The following PBX1 variants were observed in gnomAD, a reference collection of about 807,000 sequenced individuals.
The protein encoded by PBX1 is PBX homeobox 1.
PBX1 carries 6 observed loss-of-function variants against 53.4 expected under a neutral mutation model. The observed-to-expected ratio is 0.11, with a 90% CI of 0.06 to 0.22. The LOEUF is 0.22. PBX1 is among the 10% of genes least tolerant of loss of function. PBX1 has a pLI of 1.00. For synonymous variants in PBX1, 204 were observed against 212.3 expected (o/e 0.96, Z 0.34); for missense variants, 251 against 551.4 (o/e 0.46, Z 5.46).
chr1:164,723,464 C>T (rs959407019), intron 2 of PBX1, among the ~76,000 whole-genome samples: 1 of 152,084 alleles, frequency 6.6e-6, no homozygotes, highest in South Asian at 2.1e-4. Context: ...TAATGTTGGA[C>T]GAGCAGGGGT....
rs1558022514 is a variant in PBX1 at position 164,812,126 on chromosome 1, C to T, written c.974C>T (p.Ser325Leu). ...TCAGCCCATGGAAGCCAAGCTAACT[C>T]GCCCTCAACTCCCAACTCGGCTGGT... ...NVSAHGSQAN[S>L]PSTPNSAGSS... The change falls in exon 6 of 9, where the codon TCG (serine) becomes TTG (leucine). Residue 325 changes from serine to leucine, a missense_variant. Physicochemically the swap from Ser to Leu is moderately radical, Grantham distance 145. Transcript: ENST00000420696. 1 of 1,612,468 alleles carries T rather than the reference C, an allele frequency of 6.2e-7. No homozygotes were observed. The highest frequency in any genetic ancestry group is 8.5e-7 in the Non-Finnish European group (1 of 1,179,150).
intron 2 of PBX1, among the ~76,000 whole-genome samples, chr1:164,767,570 A>G (rs1667128100): frequency 6.6e-6 from 1 of 152,092 alleles, no homozygotes; most frequent in African/African-American, 2.4e-5. Context: ...AAGGAAAAAT[A>G]TCTCTTGATA....
chr1:164,610,962 C>A (rs1656882873), intron 2 of PBX1, among the ~76,000 whole-genome samples: 1 of 152,152 alleles, frequency 6.6e-6, no homozygotes, highest in Non-Finnish European at 1.5e-5. Context: ...ACCATAAATC[C>A]TTTTTCCTTT....
chr1:164,660,553 T>C (rs1660427976), intron 2 of PBX1, among the ~76,000 whole-genome samples: 1 of 151,530 alleles, frequency 6.6e-6, no homozygotes. Flanking sequence ...ATCAGCTAGA[T>C]TAAAACCACA....
At chr1:164,565,937 G>A (rs1409184726) in intron 2 of PBX1, among the ~76,000 whole-genome samples, 2 of 152,036 alleles carry the variant, frequency 1.3e-5, no homozygotes, top group African/African-American at 4.8e-5. Flanking sequence ...TAATAATAGA[G>A]GTTACTTGAT....
intron 5 of PBX1, among the ~76,000 whole-genome samples, chr1:164,811,778 A>C (rs10494422): frequency 0.075 from 11,473 of 152,214 alleles, 520 homozygotes; most frequent in Non-Finnish European, 0.086. Flanking sequence ...GGTTTCGCTA[A>C]ATTTCAGTTA....
chr1:164,840,103 T>C (rs1671222437), intron 8 of PBX1, among the ~76,000 whole-genome samples: 1 of 152,106 alleles, frequency 6.6e-6, no homozygotes, highest in African/African-American at 2.4e-5. Flanking sequence ...CTGTAATAAA[T>C]AGCAGAAAAT....
At chr1:164,788,455 TA>T (rs1255941011) in intron 2 of PBX1, among the ~76,000 whole-genome samples, 1 of 151,704 alleles carries the variant, frequency 6.6e-6, no homozygotes, top group Admixed American at 6.6e-5. Flanking sequence ...CCATTCTTAA[TA>T]GTGGTATATT....
chr1:164,602,326 T>C (rs1656233721), intron 2 of PBX1, among the ~76,000 whole-genome samples: 1 of 152,208 alleles, frequency 6.6e-6, no homozygotes, highest in African/African-American at 2.4e-5. Flanking sequence ...CCCCGCTCGG[T>C]TTCAGTTTCT....
chr1:164,718,957 A>T (rs1213225976), intron 2 of PBX1, among the ~76,000 whole-genome samples: 1 of 152,106 alleles, frequency 6.6e-6, no homozygotes, highest in Non-Finnish European at 1.5e-5. Context: ...GTTGAATCAC[A>T]CTCAGCTTTA....
At chr1:164,657,023 GATAAC>G in intron 2 of PBX1, 1 of 152,228 alleles carries the variant, frequency 6.6e-6, no homozygotes, top group East Asian at 1.9e-4. Context: ...ATAATATTAA[GATAAC>G]ATACTCTATT....
chr1:164,820,841 A>T (rs1292537185), intron 7 of PBX1, among the ~76,000 whole-genome samples: 2 of 152,164 alleles, frequency 1.3e-5, no homozygotes, highest in Non-Finnish European at 2.9e-5. Flanking sequence ...ATGTTGTGAG[A>T]GGGTAAAGTA....
In PBX1 at chr1:164,677,875, G is replaced by C. The variant is rs182047866; in HGVS notation, c.265+114564G>C. On this transcript the variant is annotated intron_variant, in intron 2 of 8. Transcript: ENST00000420696. ...GTAGTGATGGAATAGGATGGCATTA[G>C]TAGGGTCAGATTATGGAGAGGAGGC... 2.3e-3 allele frequency among the ~76,000 whole-genome samples: 357 copies of C among 152,250 alleles called. 1 individual carries two copies. Among genetic ancestry groups the C allele is most frequent in the African/African-American group, 7.6e-3 (315 of 41,530 alleles).
chr1:164,651,513 A>G (rs1571150445), intron 2 of PBX1, among the ~76,000 whole-genome samples: 1 of 151,908 alleles, frequency 6.6e-6, no homozygotes, highest in Admixed American at 6.6e-5. Context: ...TCTGCTCCCC[A>G]CCTCGTTACC....
intron 2 of PBX1, among the ~76,000 whole-genome samples, chr1:164,728,331 AGAGAG>A (rs1664811237): frequency 8.2e-6 from 1 of 121,218 alleles, no homozygotes; most frequent in African/African-American, 4.3e-5. Context: ...AAAAAAAAAA[AGAGAG>A]AGAGAGAGAG....
chr1:164,665,244 CTT>C (rs1287553901), intron 2 of PBX1, among the ~76,000 whole-genome samples: 2 of 152,090 alleles, frequency 1.3e-5, no homozygotes, highest in African/African-American at 2.4e-5. Flanking sequence ...TTTTAAGAAA[CTT>C]ATTTAAAAAT....
At chr1:164,614,380 G>A (rs147241569) in intron 2 of PBX1, among the ~76,000 whole-genome samples, 156 of 152,192 alleles carry the variant, frequency 1.0e-3, no homozygotes, top group South Asian at 3.1e-3. Context: ...CTGTGCTGCC[G>A]TCTGAATTTC....
chr1:164,638,962 C>T (rs1658954877), intron 2 of PBX1, among the ~76,000 whole-genome samples: 1 of 152,150 alleles, frequency 6.6e-6, no homozygotes, highest in Non-Finnish European at 1.5e-5. Context: ...TGAGTAGGTA[C>T]TGCCTGCCCG....
chr1:164,609,765 G>A (rs1398586245), intron 2 of PBX1, among the ~76,000 whole-genome samples: 1 of 152,184 alleles, frequency 6.6e-6, no homozygotes, highest in Non-Finnish European at 1.5e-5. Flanking sequence ...ATTCTTACCT[G>A]GCTTACAGTT....
Sources: gnomAD v4.1 joint callset for allele counts (sites outside exome capture counted in the v4.1 genomes callset) on GRCh38, gnomAD v4.1.1 for gene constraint, MANE v1.5 for transcripts, NCBI Gene and HGNC (gene_info 2026-07-23, HGNC 2026-07-21) for gene names.